The following SLCO3A1 variants were observed in gnomAD, a reference collection of about 807,000 sequenced individuals.
SLCO3A1 encodes solute carrier organic anion transporter family member 3A1.
A neutral mutation model predicts 63.1 loss-of-function variants in SLCO3A1; 27 were observed. That is an observed-to-expected ratio of 0.43 (90% CI 0.32 to 0.59). The LOEUF (loss-of-function observed/expected upper bound fraction) is 0.59, where lower values mean the gene tolerates loss of function less well. Among genes scored for constraint, SLCO3A1 ranks in the 20% least tolerant of loss-of-function variants. SLCO3A1 has a pLI of 0.09. For synonymous variants in SLCO3A1, 473 were observed against 409.9 expected (o/e 1.15, Z -1.86); for missense variants, 773 against 945.8 (o/e 0.82, Z 2.40).
intron 2 of SLCO3A1, among the ~76,000 whole-genome samples, chr15:91,940,333 A>T (rs1272391260): frequency 6.6e-6 from 1 of 152,144 alleles, no homozygotes; most frequent in Non-Finnish European, 1.5e-5. Flanking sequence ...AGTCTGTGCC[A>T]GCACCTTGCT....
chr15:91,939,851 G>GT (rs1261977969), intron 2 of SLCO3A1, among the ~76,000 whole-genome samples: 2 of 152,142 alleles, frequency 1.3e-5, no homozygotes, highest in Non-Finnish European at 2.9e-5. Context: ...CGCTGCTGAT[G>GT]TGACACAGCT....
At position 92,048,278 on chromosome 15, in the gene SLCO3A1, G is replaced by A. The variant is rs534917263; in HGVS notation, c.647-46603G>A. Among the ~76,000 whole-genome samples the A allele has an allele frequency of 5.3e-5, 8 of 152,210 alleles. No individual in the cohort carries two copies. The Middle Eastern group carries it at 0.014, about 259-fold the overall frequency. Reference sequence around the variant, plus strand: ...TGGCACCCACTTCTGATAGAGGTGAGTTTGCTGTACCCCCATCGGACTCTG... The same window carrying A: ...TGGCACCCACTTCTGATAGAGGTGAATTTGCTGTACCCCCATCGGACTCTG... On this transcript the variant is annotated intron_variant, in intron 2 of 9. Coordinates refer to ENST00000318445, the MANE Select transcript of SLCO3A1 (RefSeq NM_013272.4).
At chr15:91,940,363 A>C (rs1029842159) in intron 2 of SLCO3A1, among the ~76,000 whole-genome samples, 10 of 152,120 alleles carry the variant, frequency 6.6e-5, no homozygotes, top group African/African-American at 2.4e-4. Context: ...ACAGCCCGTG[A>C]GACTCCCCCA....
rs1206514638 is a variant in SLCO3A1 at position 92,047,600 on chromosome 15, A to AT, written c.647-47281_647-47280insT. Among the ~76,000 whole-genome samples the AT allele has an allele frequency of 2.5e-3, 38 of 15,006 alleles. 4 individuals are homozygous for AT. The highest frequency in any genetic ancestry group is 4.6e-3 in the African/African-American group (36 of 7,912). 9.8% of individuals were successfully genotyped at this position (15,006 alleles called of 152,430 possible). A position where few individuals can be genotyped will look rare whatever the true frequency, so the allele number is the denominator to read the frequency against. ...TATATATAATATATATATAATATAT[A>AT]ATATATATATAATATATAAATATAT... is the stretch of plus-strand genomic sequence containing the variant. On this transcript the variant is annotated intron_variant, in intron 2 of 9. Coordinates refer to ENST00000318445, the MANE Select transcript of SLCO3A1 (RefSeq NM_013272.4).
chr15:91,969,826 G>A (rs1300818876), intron 2 of SLCO3A1, among the ~76,000 whole-genome samples: 1 of 152,100 alleles, frequency 6.6e-6, no homozygotes, highest in Non-Finnish European at 1.5e-5. Context: ...CTGGTGGCGG[G>A]GGCTGGTCCA....
intron 2 of SLCO3A1, among the ~76,000 whole-genome samples, chr15:91,994,597 G>A (rs1337100541): frequency 8.7e-6 from 1 of 114,348 alleles, no homozygotes; most frequent in Non-Finnish European, 2.1e-5. Flanking sequence ...GCAGGGTTAA[G>A]TTAAGAGAAG....
chr15:91,873,531 T>TACACAC (rs71912147), intron 1 of SLCO3A1, among the ~76,000 whole-genome samples: 21,235 of 146,522 alleles, frequency 0.14, 1,567 homozygotes, highest in Middle Eastern at 0.21. Flanking sequence ...GCTACATTCA[T>TACACAC]ACACACACAC....
intron 2 of SLCO3A1, among the ~76,000 whole-genome samples, chr15:91,933,526 C>T (rs748629334): frequency 6.6e-6 from 1 of 152,168 alleles, no homozygotes; most frequent in East Asian, 1.9e-4. Flanking sequence ...ACCTAAAAAG[C>T]ATACTAAAAA....
rs1176232027 is a variant in SLCO3A1, at chr15:91,883,661, A to ACATT, written c.180+29574_180+29577dup. On this transcript the variant is annotated intron_variant, in intron 1 of 9. Transcript: ENST00000318445. This position sits in a 1 kb window ranked among gnomAD's most constrained non-coding sequence, Gnocchi z 4.8. ...ATAGTTACTAAGGCAATGCATTGAT[A>ACATT]CATTGTTCATACGCTCATAATTAGT... Among the ~76,000 whole-genome samples the ACATT allele has an allele frequency of 1.3e-5, 2 of 152,234 alleles. No individual in the cohort carries two copies. The highest frequency in any genetic ancestry group is 4.8e-5 in the African/African-American group (2 of 41,466).
At chr15:92,156,325 G>A (rs758998996) in intron 9 of SLCO3A1, among the ~76,000 whole-genome samples, 10 of 152,240 alleles carry the variant, frequency 6.6e-5, no homozygotes, top group Middle Eastern at 3.4e-3. Flanking sequence ...TATGTTAGGC[G>A]CCAGCCATGT....
intron 2 of SLCO3A1, among the ~76,000 whole-genome samples, chr15:92,092,845 C>T (rs781245356): frequency 6.6e-6 from 1 of 152,146 alleles, no homozygotes; most frequent in Non-Finnish European, 1.5e-5. Context: ...ATCATGTGAA[C>T]GTCACTCCTC....
Position 92,094,984 on chromosome 15 carries a change from G to A in SLCO3A1, c.745+5G>A, listed in dbSNP as rs1271630670. 3.8e-5 allele frequency: 60 copies of A among 1,565,658 alleles called. No homozygotes were observed. In the Admixed American group the frequency reaches 9.8e-4, roughly 26 times the overall value. On this transcript the variant is annotated splice_donor_5th_base_variant and intron_variant, in intron 3 of 9. Transcript: ENST00000318445. The stretch of plus-strand genomic sequence containing the variant: ...ATGCGGTCTTCATTGACACAAGTAA[G>A]GAATATATCTCCATGTCTACCTTCC...
At position 92,164,004 on chromosome 15, in the gene SLCO3A1, T is replaced by A. The variant is rs2048472272; in HGVS notation, c.*869T>A. 1 of 984,940 alleles carries A rather than the reference T, an allele frequency of 1.0e-6. No individual in the cohort carries two copies. The highest frequency in any genetic ancestry group is 1.8e-5 in the African/African-American group (1 of 56,860). 61.0% of individuals were successfully genotyped at this position (984,940 alleles called of 1,614,324 possible). ...ACCCAACGCAGTCCAAGTCATTTGCTTACATTTGCCAAAAACATTTTGCCA... is the reference window on the plus strand; with the variant it reads ...ACCCAACGCAGTCCAAGTCATTTGCATACATTTGCCAAAAACATTTTGCCA... On this transcript the variant is annotated 3_prime_UTR_variant, in exon 10 of 10. Transcript: ENST00000318445.
chr15:92,138,607 G>A (rs2048088442), intron 7 of SLCO3A1, among the ~76,000 whole-genome samples: 1 of 74,728 alleles, frequency 1.3e-5, no homozygotes, highest in South Asian at 4.6e-4. Context: ...CTACCCATGA[G>A]CATGGAATGT....
At chr15:91,934,755 C>A (rs1899348450) in intron 2 of SLCO3A1, among the ~76,000 whole-genome samples, 1 of 152,092 alleles carries the variant, frequency 6.6e-6, no homozygotes, top group African/African-American at 2.4e-5. Flanking sequence ...TAGATGGTTT[C>A]TTTTTCATTT....
intron 2 of SLCO3A1, among the ~76,000 whole-genome samples, chr15:92,065,263 T>G (rs1433594797): frequency 4.6e-5 from 7 of 152,068 alleles, no homozygotes; most frequent in Non-Finnish European, 1.0e-4. Flanking sequence ...TGTTTTGTAT[T>G]TTTGGTAGAG....
At chr15:92,030,903 G>T (rs1366949220) in intron 2 of SLCO3A1, among the ~76,000 whole-genome samples, 1 of 152,044 alleles carries the variant, frequency 6.6e-6, no homozygotes, top group Non-Finnish European at 1.5e-5. Flanking sequence ...TTTAAAAACA[G>T]ATGCCAACCT....
chr15:92,090,243 G>A (rs2047455004), intron 2 of SLCO3A1, among the ~76,000 whole-genome samples: 1 of 152,166 alleles, frequency 6.6e-6, no homozygotes, highest in Non-Finnish European at 1.5e-5. Flanking sequence ...ATCCAGTGTT[G>A]ACACCATAGG....
At chr15:92,022,900 G>A (rs76790362) in intron 2 of SLCO3A1, among the ~76,000 whole-genome samples, 13 of 151,230 alleles carry the variant, frequency 8.6e-5, no homozygotes, top group Middle Eastern at 3.4e-3. Context: ...TCAGGGAGTC[G>A]TGGGATTCTG....
Sources: allele counts gnomAD v4.1 joint callset (sites outside exome capture counted in the v4.1 genomes callset), GRCh38; gene constraint gnomAD v4.1.1; non-coding constraint Gnocchi (gnomAD v3.1); transcripts MANE v1.5; gene names NCBI Gene and HGNC (gene_info 2026-07-23, HGNC 2026-07-21).